HIVEP2: variants seen among roughly 807,000 people sequenced by gnomAD.
The protein encoded by HIVEP2 is transcription factor HIVEP2.
In HIVEP2, 14 loss-of-function variants were observed where a neutral mutation model predicts 180.7. The observed-to-expected ratio is 0.08, with a 90% CI of 0.05 to 0.12. The LOEUF is 0.12. Among genes scored for constraint, HIVEP2 ranks in the 10% least tolerant of loss-of-function variants. The probability of loss-of-function intolerance (pLI) is 1.00; values close to 1 mark genes in which losing one functional copy is unlikely to be tolerated. For missense variants in HIVEP2, 2,579 were observed against 3,008.5 expected, an observed-to-expected ratio of 0.86 and a Z score of 3.34; for synonymous variants, 1,184 against 1,136.4, an observed-to-expected ratio of 1.04 and a Z score of -0.84.
intron 1 of HIVEP2, among the ~76,000 whole-genome samples, chr6:142,885,897 C>A (rs753452507): frequency 2.6e-5 from 4 of 152,166 alleles, no homozygotes; most frequent in Non-Finnish European, 5.9e-5. Context: ...ATAATGATTT[C>A]TCTTCTTTAA....
chr6:142,769,231 A>G (rs530813527), intron 5 of HIVEP2, among the ~76,000 whole-genome samples: 1 of 152,308 alleles, frequency 6.6e-6, no homozygotes, highest in South Asian at 2.1e-4. Context: ...TAGACCTGCT[A>G]GGTCACTCAC....
chr6:142,866,082 C>T (rs1473076334), intron 1 of HIVEP2, among the ~76,000 whole-genome samples: 12 of 150,718 alleles, frequency 8.0e-5, no homozygotes, highest in Admixed American at 7.9e-4. Flanking sequence ...TTTTGGAGGG[C>T]TGTGGTGGAA....
Position 142,773,988 on chromosome 6 carries a change from T to C in HIVEP2, c.751A>G (p.Thr251Ala), listed in dbSNP as rs763759531. The change falls in exon 5 of 10, where the codon ACA becomes GCA. Residue 251 changes from threonine to alanine, a missense_variant. Around this residue, in one of 11 missense-constraint regions of HIVEP2, gnomAD observed 142 missense variants for 135.2 expected, o/e 1.05. Coordinates refer to ENST00000367603, the MANE Select transcript of HIVEP2 (RefSeq NM_006734.4). ...HAIKAGLVPF[T>A]ESAVSKLDLE... is the part of the protein sequence containing the mutation. ...TCCAATTTAGATACAGCTGACTCTG[T>C]GAAAGGTACTAATCCTGCCTTAATT... The C allele has an allele frequency of 1.9e-6, 3 of 1,614,234 alleles. No homozygotes were observed. In the South Asian group the frequency reaches 3.3e-5, roughly 18 times the overall value.
chr6:142,924,173 G>T (rs968908472), intron 1 of HIVEP2, among the ~76,000 whole-genome samples: 1 of 152,118 alleles, frequency 6.6e-6, no homozygotes, highest in Non-Finnish European at 1.5e-5. Flanking sequence ...TGTTTATTGT[G>T]CATCTGCTAT....
intron 1 of HIVEP2, among the ~76,000 whole-genome samples, chr6:142,920,438 G>A (rs1055733490): frequency 3.3e-5 from 5 of 152,142 alleles, no homozygotes; most frequent in Admixed American, 2.6e-4. Flanking sequence ...ATGTATTAAA[G>A]ACCTCCTCTC....
chr6:142,818,789 G>GAAAGAAAGAAA (rs1200606899), intron 2 of HIVEP2, among the ~76,000 whole-genome samples: 11 of 122,356 alleles, frequency 9.0e-5, no homozygotes, highest in African/African-American at 3.7e-4. Context: ...AAGAAAGAAA[G>GAAAGAAAGAAA]AAAAAGAAAA....
At chr6:142,864,986 C>T (rs544447334) in intron 1 of HIVEP2, among the ~76,000 whole-genome samples, 1 of 152,300 alleles carries the variant, frequency 6.6e-6, no homozygotes, top group African/African-American at 2.4e-5. Flanking sequence ...TGTGCTAGCA[C>T]TTAGAATTCA....
chr6:142,898,185 C>G (rs1374727638), intron 1 of HIVEP2, among the ~76,000 whole-genome samples: 3 of 152,148 alleles, frequency 2.0e-5, no homozygotes, highest in Non-Finnish European at 2.9e-5. Context: ...TCACAAACAG[C>G]CTGCATGTTA....
At chr6:142,916,715 C>T (rs1476612420) in intron 1 of HIVEP2, among the ~76,000 whole-genome samples, 1 of 152,156 alleles carries the variant, frequency 6.6e-6, no homozygotes, top group Non-Finnish European at 1.5e-5. Context: ...TATAATTCTA[C>T]AGCTGTATGA....
intron 1 of HIVEP2, among the ~76,000 whole-genome samples, chr6:142,911,772 G>A (rs1451434917): frequency 3.3e-5 from 5 of 152,194 alleles, no homozygotes; most frequent in African/African-American, 7.2e-5. Context: ...ATGTGTGTGA[G>A]TGTTTGTGTG....
At chr6:142,878,681 C>A (rs1341363052) in intron 1 of HIVEP2, among the ~76,000 whole-genome samples, 6 of 152,094 alleles carry the variant, frequency 3.9e-5, no homozygotes, top group Non-Finnish European at 7.4e-5. Context: ...AGGCTTTTCC[C>A]AATCTAAGGG....
rs111913992 is a variant in HIVEP2 at position 142,849,429 on chromosome 6, T to C, written c.-640-12382A>G. Among the ~76,000 whole-genome samples the C allele has an allele frequency of 8.9e-3, 1,362 of 152,278 alleles. 24 individuals carry two copies. The highest frequency in any genetic ancestry group is 0.031 in the African/African-American group (1,285 of 41,550). ...CCAAGTAGACATTTGGATACATAGA[T>C]GTAGAATCCATGGGAATATGTGAAC... On this transcript the variant is annotated intron_variant, in intron 1 of 9. Transcript: ENST00000367603.
At chr6:142,789,014 C>G (rs569223359) in intron 2 of HIVEP2, among the ~76,000 whole-genome samples, 2 of 152,140 alleles carry the variant, frequency 1.3e-5, no homozygotes, top group Non-Finnish European at 2.9e-5. Flanking sequence ...ATACAAGACT[C>G]TACCATTCCG....
intron 8 of HIVEP2, among the ~76,000 whole-genome samples, chr6:142,761,144 T>C (rs1316344319): frequency 2.0e-5 from 3 of 152,202 alleles, no homozygotes; most frequent in Non-Finnish European, 4.4e-5. Context: ...TTAAAATGCT[T>C]TTCAAATTCC....
Position 142,773,499 on chromosome 6 carries a change from G to A in HIVEP2, c.1240C>T (p.Pro414Ser). The A allele has an allele frequency of 6.2e-7, 1 of 1,614,222 alleles. No homozygotes were observed. The highest frequency in any genetic ancestry group is 2.2e-5 in the East Asian group (1 of 44,886). Residue 414 changes from proline (P) to serine (S), a missense_variant, in exon 5 of 10, where the codon CCC (proline) becomes TCC (serine). Physicochemically the swap from Pro to Ser is moderately conservative, Grantham distance 74. Transcript: ENST00000367603. ...SESAEQQISPPNTNAKSYEEI... is the reference protein window; with the variant it reads ...SESAEQQISPSNTNAKSYEEI... ...TCATAAGACTTTGCATTTGTGTTGG[G>A]AGGGCTTATTTGCTGCTCAGCACTT... is the stretch of plus-strand genomic sequence containing the variant.
At chr6:142,927,060 C>G (rs972093179) in intron 1 of HIVEP2, among the ~76,000 whole-genome samples, 4 of 151,568 alleles carry the variant, frequency 2.6e-5, no homozygotes, top group Admixed American at 6.6e-5. Flanking sequence ...GCTGGCGCTC[C>G]CGGCGCCTCC....
rs118121897 is a variant in HIVEP2 at position 142,901,891 on chromosome 6, C to A, written c.-641+43208G>T. On this transcript the variant is annotated intron_variant, in intron 1 of 9. Coordinates refer to ENST00000367603, the MANE Select transcript of HIVEP2 (RefSeq NM_006734.4). ...TGCAAACATGCGGAGGAGGAAGAGG[C>A]AAAACAGGTGGATAAAATGTTGCAC... Among the ~76,000 whole-genome samples, 34 of 152,120 alleles carry A rather than the reference C, an allele frequency of 2.2e-4. No homozygotes were observed. The East Asian group carries it at 5.2e-3, about 23-fold the overall frequency.
chr6:142,868,096 T>C (rs1776187713), intron 1 of HIVEP2, among the ~76,000 whole-genome samples: 1 of 152,144 alleles, frequency 6.6e-6, no homozygotes, highest in African/African-American at 2.4e-5. Context: ...GTGTCAGTAA[T>C]TTCCGCTTTC....
chr6:142,791,380 CTAGA>C (rs1207665837), intron 2 of HIVEP2, among the ~76,000 whole-genome samples: 1 of 152,140 alleles, frequency 6.6e-6, no homozygotes, highest in African/African-American at 2.4e-5. Context: ...AATGAATTAA[CTAGA>C]TAAAGATTTA....
Sources: gnomAD v4.1 joint callset for allele counts (sites outside exome capture counted in the v4.1 genomes callset) on GRCh38, gnomAD v4.1.1 for gene constraint, gnomAD v4.1.1 regional missense constraint, MANE v1.5 for transcripts, NCBI Gene and HGNC (gene_info 2026-07-23, HGNC 2026-07-21) for gene names.